The following INTS13 variants were observed in gnomAD, a reference collection of about 807,000 sequenced individuals.
INTS13 encodes integrator complex subunit 13.
INTS13 carries 35 observed loss-of-function variants against 90.2 expected under a neutral mutation model. The observed-to-expected ratio is 0.39, with a 90% confidence interval of 0.30 to 0.51. INTS13 has a LOEUF of 0.51. Ranked by LOEUF, INTS13 falls within the 20% of genes least tolerant of loss-of-function variation. INTS13 has a pLI of 0.80. For missense variants in INTS13, 601 were observed against 851.2 expected (o/e 0.71, Z 3.66); for synonymous variants, 309 against 277.1 (o/e 1.11, Z -1.14).
chr12:26,930,243 C>G (rs995587860), intron 3 of INTS13, among the ~76,000 whole-genome samples: 2 of 152,112 alleles, frequency 1.3e-5, no homozygotes, highest in Admixed American at 1.3e-4. Flanking sequence ...TCCAAACTGA[C>G]CTACAGTGTC....
At chr12:26,922,235 AG>A (rs1476630263) in intron 8 of INTS13, among the ~76,000 whole-genome samples, 29 of 152,328 alleles carry the variant, frequency 1.9e-4, no homozygotes, top group South Asian at 2.1e-4. Context: ...CATTCATCTC[AG>A]TTTATCTCAT....
In INTS13 at chr12:26,928,465, T is replaced by A. The variant is rs373461077; in HGVS notation, c.504-180A>T. ...GCTGAAAAACCAGTGAGAAAAAATG[T>A]TAAATTTACCTACATGATGGCAATC... On this transcript the variant is annotated intron_variant, in intron 4 of 16. Transcript: ENST00000261191. Among the ~76,000 whole-genome samples the A allele has an allele frequency of 9.2e-5, 14 of 152,082 alleles. No homozygotes were observed. The East Asian group carries it at 2.7e-3, about 29-fold the overall frequency.
chr12:26,913,364 C>T (rs1285452101), intron 14 of INTS13, 93 bp downstream of exon 14: 12 of 833,554 alleles, frequency 1.4e-5, no homozygotes, highest in Non-Finnish European at 2.2e-5. Context: ...AAATGAACTA[C>T]TATTAAATCA....
intron 5 of INTS13, among the ~76,000 whole-genome samples, chr12:26,927,314 C>G (rs1024720286): frequency 1.1e-4 from 17 of 152,314 alleles, no homozygotes; most frequent in African/African-American, 4.1e-4. Context: ...GGAACTGAGT[C>G]TGCAATAACT....
intron 6 of INTS13, among the ~76,000 whole-genome samples, chr12:26,925,212 T>C (rs190661156): frequency 1.3e-3 from 201 of 152,192 alleles, no homozygotes; most frequent in Middle Eastern, 3.4e-3. Flanking sequence ...TATTAAATAA[T>C]GCAAAATGAA....
intron 3 of INTS13, among the ~76,000 whole-genome samples, chr12:26,933,824 A>G (rs1219084836): frequency 6.6e-6 from 1 of 152,214 alleles, no homozygotes; most frequent in Admixed American, 6.5e-5. Context: ...GAGAAAAAGC[A>G]GCAATGGATA....
intron 14 of INTS13, among the ~76,000 whole-genome samples, chr12:26,911,926 A>G (rs1951787933): frequency 6.6e-6 from 1 of 152,236 alleles, no homozygotes; most frequent in Admixed American, 6.5e-5. Context: ...ATGAGCTTCT[A>G]AAGTCAAAGA....
rs773286888 is a variant in INTS13 at position 26,919,093 on chromosome 12, AG to A, written c.890-1361del. The A allele has an allele frequency of 2.0e-5, 7 of 355,970 alleles. 1 individual carries two copies. Among genetic ancestry groups the A allele is most frequent in the South Asian group, 1.3e-4 (6 of 46,054 alleles). 22.1% of individuals were successfully genotyped at this position (355,970 alleles called of 1,614,324 possible). A position where few individuals can be genotyped will look rare whatever the true frequency, so the allele number is the denominator to read the frequency against. The stretch of plus-strand genomic sequence containing the variant: ...AGGTGGAAGGACTGCTTGTAGCCCG[AG>A]GGGTCGATGCTGCAGTGAGCTATGA... On this transcript the variant is annotated intron_variant, in intron 8 of 16. Transcript: ENST00000261191.
intron 6 of INTS13, among the ~76,000 whole-genome samples, chr12:26,925,332 A>G (rs1937809789): frequency 6.6e-6 from 1 of 152,126 alleles, no homozygotes; most frequent in Admixed American, 6.5e-5. Flanking sequence ...AAATTATTCA[A>G]ATTTATTTAA....
chr12:26,916,010 G>A lies in INTS13; in HGVS notation c.1240C>T (p.Arg414Trp), dbSNP rs1484763752. 1 of 1,610,130 alleles carries A rather than the reference G, an allele frequency of 6.2e-7. No individual in the cohort carries two copies. Among genetic ancestry groups the A allele is most frequent in the Non-Finnish European group, 8.5e-7 (1 of 1,178,086 alleles). ...AGATATTAGAGTCTTACTGTAATCC[G>A]GTAGTCTGTAACTCTTCCTCCACAT... Reference protein sequence around the residue: ...EGCGGRVTDYRITDFGEFMRE... With the variant: ...EGCGGRVTDYWITDFGEFMRE... Residue 414 changes from arginine to tryptophan, a missense_variant, in exon 11 of 17, where the codon CGG becomes TGG. Physicochemically the swap from Arg to Trp is moderately radical, Grantham distance 101. Around this residue, in one of 3 missense-constraint regions of INTS13, gnomAD observed 89 missense variants for 191.0 expected, o/e 0.47. Transcript: ENST00000261191.
intron 2 of INTS13, among the ~76,000 whole-genome samples, chr12:26,935,081 A>G (rs1234042859): frequency 1.3e-5 from 2 of 152,234 alleles, no homozygotes; most frequent in Non-Finnish European, 2.9e-5. Flanking sequence ...CAAATAACAA[A>G]TGCAAAGGCA....
At chr12:26,917,797 C>A in intron 8 of INTS13, 64 bp from the exon 9 acceptor site, 342 of 633,048 alleles carry the variant, frequency 5.4e-4, no homozygotes, top group Non-Finnish European at 9.2e-4. Flanking sequence ...CACTGTATCC[C>A]ATAAATATGT....
chr12:26,911,782 T>G (rs1592199319), intron 14 of INTS13, among the ~76,000 whole-genome samples: 1 of 152,200 alleles, frequency 6.6e-6, no homozygotes, highest in African/African-American at 2.4e-5. Context: ...CTTTTAGAGT[T>G]TCATCAGAGA....
At chr12:26,931,369 G>A (rs1470864298) in intron 3 of INTS13, among the ~76,000 whole-genome samples, 13 of 152,144 alleles carry the variant, frequency 8.5e-5, no homozygotes, top group African/African-American at 2.6e-4. Flanking sequence ...ACTTGAACCC[G>A]GGAGGCAGAG....
Position 26,936,678 on chromosome 12 carries a change from A to T in INTS13, c.126T>A (p.Ile42=). 1 of 1,613,852 alleles carries T rather than the reference A, an allele frequency of 6.2e-7. No individual in the cohort carries two copies. The highest frequency in any genetic ancestry group is 8.5e-7 in the Non-Finnish European group (1 of 1,179,764). ...MLVKNRTQGI[I]PLAPISKSLW... ...ATGATTTAGATATGGGGGCCAAAGG[A>T]ATGATTCCTTGGGTTCTATTCTTCA... Residue 42 remains isoleucine (I), a synonymous_variant, in exon 2 of 17, where the codon ATT becomes ATA. Transcript: ENST00000261191.
chr12:26,911,061 C>G (rs1951760482), intron 15 of INTS13, 117 bp downstream of exon 15: 2 of 1,157,260 alleles, frequency 1.7e-6, no homozygotes, highest in Admixed American at 5.3e-5. Context: ...TCTTGAATTC[C>G]TGACCTCAGG....
intron 5 of INTS13, among the ~76,000 whole-genome samples, chr12:26,927,998 T>G (rs764205628): frequency 3.3e-5 from 5 of 152,228 alleles, no homozygotes; most frequent in Admixed American, 2.0e-4. Flanking sequence ...TATTTTATCC[T>G]TTTGATCACC....
chr12:26,914,625 T>G (rs1951878310), intron 11 of INTS13, 47 bp from the exon 12 acceptor site: 2 of 1,445,038 alleles, frequency 1.4e-6, no homozygotes, highest in Non-Finnish European at 1.9e-6. Flanking sequence ...GTCTAATGTT[T>G]CAGTATGGAT....
rs746832539 is a variant in INTS13, at chr12:26,917,737, T to TA, written c.890-5dup. ...CCGCCACCTAGATGCGAATCACCTT[T>TA]AAAAATATGTCAGAGACATTACACA... On this transcript the variant is annotated splice_region_variant and splice_polypyrimidine_tract_variant and intron_variant, in intron 8 of 16. Coordinates refer to ENST00000261191, the MANE Select transcript of INTS13 (RefSeq NM_018164.3). 7 of 1,585,892 alleles carry TA rather than the reference T, an allele frequency of 4.4e-6. No individual in the cohort carries two copies. In the African/African-American group the frequency reaches 9.5e-5, roughly 21 times the overall value.
Sources: gnomAD v4.1 joint callset for allele counts (sites outside exome capture counted in the v4.1 genomes callset) on GRCh38, gnomAD v4.1.1 for gene constraint, gnomAD v4.1.1 regional missense constraint, MANE v1.5 for transcripts, NCBI Gene and HGNC (gene_info 2026-07-23, HGNC 2026-07-21) for gene names.